The following EPS15 variants were observed in gnomAD, a reference collection of about 807,000 sequenced individuals.
EPS15 encodes epidermal growth factor receptor pathway substrate 15.
EPS15 carries 72 observed loss-of-function variants against 113.8 expected under a neutral mutation model. The ratio of observed to expected loss-of-function variants is 0.63; its 90% CI spans 0.52 to 0.77. EPS15 has a LOEUF of 0.77. EPS15 is among the 30% of genes least tolerant of loss of function. The pLI, the probability that EPS15 is intolerant of heterozygous loss-of-function variation, is 0.00. For missense variants in EPS15, 1,048 were observed against 1,045.8 expected, an observed-to-expected ratio of 1.00 and a Z score of -0.03; for synonymous variants, 344 against 363.4, an observed-to-expected ratio of 0.95 and a Z score of 0.61.
intron 21 of EPS15, among the ~76,000 whole-genome samples, chr1:51,375,579 G>A (rs1386206814): frequency 2.0e-5 from 3 of 152,134 alleles, no homozygotes; most frequent in Non-Finnish European, 4.4e-5. Context: ...GTAGTTTCCA[G>A]AAGTTGGGAT....
chr1:51,444,046 C>T (rs1652818416), intron 11 of EPS15, among the ~76,000 whole-genome samples: 1 of 152,220 alleles, frequency 6.6e-6, no homozygotes, highest in South Asian at 2.1e-4. Context: ...TTTTAAAGAG[C>T]TCTCCTCATA....
At chr1:51,447,155 G>C in intron 9 of EPS15, 50 bp from the exon 10 acceptor site, 2 of 1,508,302 alleles carry the variant, frequency 1.3e-6, no homozygotes, top group South Asian at 2.5e-5. Context: ...AACAAACTTT[G>C]AAGTGTCACT....
intron 12 of EPS15, among the ~76,000 whole-genome samples, chr1:51,438,224 C>A (rs1461806077): frequency 6.6e-6 from 1 of 152,044 alleles, no homozygotes; most frequent in East Asian, 1.9e-4. Flanking sequence ...ATAAATATAC[C>A]GCACATTTAT....
intron 18 of EPS15, 181 bp from the exon 19 acceptor site, chr1:51,401,134 T>C: frequency 2.2e-6 from 1 of 452,904 alleles, no homozygotes; most frequent in South Asian, 4.8e-5. Context: ...ATACTTACCT[T>C]GATCACAAGT....
intron 7 of EPS15, chr1:51,461,654 T>C (rs1231841100): frequency 6.6e-6 from 1 of 152,052 alleles, no homozygotes; most frequent in African/African-American, 2.4e-5. Flanking sequence ...ACTAAAAAGT[T>C]AGGTTTAAGT....
chr1:51,386,301 G>A (rs1647071204), intron 21 of EPS15, among the ~76,000 whole-genome samples: 1 of 152,166 alleles, frequency 6.6e-6, no homozygotes, highest in Non-Finnish European at 1.5e-5. Flanking sequence ...ATAATAAGAT[G>A]GAAAGTAAGT....
At chr1:51,405,117 A>C (rs1255306236) in intron 16 of EPS15, among the ~76,000 whole-genome samples, 1 of 152,166 alleles carries the variant, frequency 6.6e-6, no homozygotes, top group African/African-American at 2.4e-5. Flanking sequence ...AACCCCCTCC[A>C]AACTGTCCTA....
At chr1:51,472,801 C>A in intron 3 of EPS15, 58 bp downstream of exon 3, 1 of 1,270,632 alleles carries the variant, frequency 7.9e-7, no homozygotes, top group South Asian at 1.2e-5. Context: ...GCATCCAGTT[C>A]ATCTATAGTA....
chr1:51,486,205 G>C (rs1234111187), intron 1 of EPS15, among the ~76,000 whole-genome samples: 4 of 151,156 alleles, frequency 2.6e-5, no homozygotes. Flanking sequence ...ATCACCTGAG[G>C]TCAGGAGTTC....
chr1:51,466,590 T>TCCAGC (rs1229854204), intron 5 of EPS15, among the ~76,000 whole-genome samples: 2 of 150,932 alleles, frequency 1.3e-5, no homozygotes, highest in Admixed American at 6.6e-5. Flanking sequence ...ACCACTACAC[T>TCCAGC]CCAGCCTGGT....
rs1169386099 is a variant in EPS15, at chr1:51,402,974, CATTTTTCTCTTTCCTTCACCTTAACAT to C, written c.1791+418_1791+444del. ...CTCTAGTCATAAAGCACCTTTAACA[CATTTTTCTCTTTCCTTCACCTTAACAT>C]ATTTTTCTCTTTCCTTCACCTAAAA... is the stretch of plus-strand genomic sequence containing the variant. On this transcript the variant is annotated intron_variant, in intron 17 of 24. Coordinates refer to ENST00000371733, the MANE Select transcript of EPS15 (RefSeq NM_001981.3). Among the ~76,000 whole-genome samples the C allele has an allele frequency of 6.6e-5, 10 of 152,322 alleles. No homozygotes were observed. The South Asian group carries it at 1.5e-3, about 22-fold the overall frequency.
chr1:51,506,298 C>T (rs909984311), intron 1 of EPS15, among the ~76,000 whole-genome samples: 1 of 152,068 alleles, frequency 6.6e-6, no homozygotes, highest in African/African-American at 2.4e-5. Context: ...TTAATTTGGA[C>T]ATATGAAGTA....
chr1:51,483,397 A>G (rs1185365753), intron 1 of EPS15, among the ~76,000 whole-genome samples: 2 of 93,576 alleles, frequency 2.1e-5, no homozygotes, highest in Non-Finnish European at 4.7e-5. Context: ...TCAAGACTGC[A>G]AGTGTGTGTG....
chr1:51,372,730 T>G (rs1646687870), intron 21 of EPS15: 2 of 411,622 alleles, frequency 4.9e-6, no homozygotes, highest in Non-Finnish European at 9.4e-6. Flanking sequence ...TTTGAGCATG[T>G]GGCTAATGAA....
chr1:51,460,142 C>T lies in EPS15; in HGVS notation c.561+949G>A, dbSNP rs571825902. On this transcript the variant is annotated intron_variant, in intron 8 of 24. Transcript: ENST00000371733. ...TTGGAGTGAGTAAAGAGAACAACCA[C>T]GAAAGAGAGTATCACAAATTTGTAG... Among the ~76,000 whole-genome samples the T allele has an allele frequency of 9.2e-5, 14 of 152,056 alleles. No individual in the cohort carries two copies. In the East Asian group the frequency reaches 1.5e-3, roughly 17 times the overall value.
chr1:51,432,802 T>C (rs950083448), intron 12 of EPS15, among the ~76,000 whole-genome samples: 2 of 152,122 alleles, frequency 1.3e-5, no homozygotes, highest in Non-Finnish European at 2.9e-5. Context: ...TATGTGAAAA[T>C]GAATTAGGCT....
chr1:51,408,275 C>T lies in EPS15; in HGVS notation c.1333G>A (p.Glu445Lys). 1 of 1,613,874 alleles carries T rather than the reference C, an allele frequency of 6.2e-7. No individual in the cohort carries two copies. Residue 445 changes from glutamate to lysine, a missense_variant, in exon 15 of 25, where the codon GAA (glutamate) becomes AAA (lysine). Physicochemically the swap from Glu to Lys is moderately conservative, Grantham distance 56. Coordinates refer to ENST00000371733, the MANE Select transcript of EPS15 (RefSeq NM_001981.3). ...SQESQISTYEEELAKAREELS... is the reference protein window; with the variant it reads ...SQESQISTYEKELAKAREELS... ...TCTTCTCTAGCTTTTGCCAATTCTT[C>T]TTCGTAAGTGGAGATCTGCGATTCC...
At chr1:51,432,885 A>C (rs560856076) in intron 12 of EPS15, among the ~76,000 whole-genome samples, 1 of 152,332 alleles carries the variant, frequency 6.6e-6, no homozygotes, top group South Asian at 2.1e-4. Flanking sequence ...ACCATTCTTA[A>C]GGCAGAGTCA....
At chr1:51,373,557 T>G (rs764559185) in intron 21 of EPS15, among the ~76,000 whole-genome samples, 4 of 152,226 alleles carry the variant, frequency 2.6e-5, no homozygotes, top group Admixed American at 6.5e-5. Context: ...TCATGGGGGC[T>G]GCTAAATGGA....
Sources: allele counts gnomAD v4.1 joint callset (sites outside exome capture counted in the v4.1 genomes callset), GRCh38; gene constraint gnomAD v4.1.1; transcripts MANE v1.5; gene names NCBI Gene and HGNC (gene_info 2026-07-23, HGNC 2026-07-21).